XKR4: variants seen among roughly 807,000 people sequenced by gnomAD.
XKR4 encodes the protein XK-related protein 4.
A neutral mutation model predicts 53.9 loss-of-function variants in XKR4; 12 were observed. That is an observed-to-expected ratio of 0.22 (90% CI 0.14 to 0.36). The LOEUF (loss-of-function observed/expected upper bound fraction) is 0.36, where lower values mean the gene tolerates loss of function less well. XKR4 is among the 10% of genes least tolerant of loss of function. The pLI is 1.00. For missense variants in XKR4, 799 were observed against 859.5 expected, an observed-to-expected ratio of 0.93 and a Z score of 0.88; for synonymous variants, 354 against 362.4, an observed-to-expected ratio of 0.98 and a Z score of 0.26.
chr8:55,119,132 G>A (rs1225161269), intron 1 of XKR4, among the ~76,000 whole-genome samples: 3 of 152,282 alleles, frequency 2.0e-5, no homozygotes, highest in East Asian at 1.9e-4. Context: ...GCACGCACAC[G>A]TTATTAAAAT....
At chr8:55,416,563 C>T (rs1040080784) in intron 2 of XKR4, among the ~76,000 whole-genome samples, 5 of 152,080 alleles carry the variant, frequency 3.3e-5, no homozygotes, top group Non-Finnish European at 4.4e-5. Context: ...CTAAGGTGAT[C>T]GGAGGTGGAT....
intron 2 of XKR4, chr8:55,452,178 C>T (rs1805459494): frequency 2.8e-6 from 2 of 724,476 alleles, no homozygotes; most frequent in African/African-American, 1.8e-5. Context: ...GAGCTCGGCA[C>T]TGTCAGACCC....
intron 1 of XKR4, among the ~76,000 whole-genome samples, chr8:55,267,883 T>A (rs887545680): frequency 6.6e-6 from 1 of 152,204 alleles, no homozygotes; most frequent in African/African-American, 2.4e-5. Context: ...AGAAATCTCA[T>A]AAGATGTTTG....
intron 1 of XKR4, among the ~76,000 whole-genome samples, chr8:55,232,997 G>A (rs185849124): frequency 1.3e-5 from 2 of 152,210 alleles, no homozygotes; most frequent in African/African-American, 2.4e-5. Context: ...CTGTAAGTGG[G>A]CATGGACTAG....
intron 1 of XKR4, among the ~76,000 whole-genome samples, chr8:55,245,291 ATGCATAGTTT>A (rs1818270206): frequency 6.6e-6 from 1 of 152,064 alleles, no homozygotes; most frequent in Admixed American, 6.5e-5. Flanking sequence ...CCTTTGATGG[ATGCATAGTTT>A]GCAAAAATTT....
At chr8:55,407,641 T>C (rs1393118148) in intron 2 of XKR4, among the ~76,000 whole-genome samples, 1 of 152,254 alleles carries the variant, frequency 6.6e-6, no homozygotes, top group Non-Finnish European at 1.5e-5. Flanking sequence ...GGGAAGTCTC[T>C]GAGCCTCTCC....
intron 1 of XKR4, among the ~76,000 whole-genome samples, chr8:55,193,110 C>T (rs7017439): frequency 0.2 from 30,274 of 151,882 alleles, 3,135 homozygotes; most frequent in Non-Finnish European, 0.22. Flanking sequence ...GAAAAAAATT[C>T]AATTATATCG....
Position 55,534,855 on chromosome 8 carries a change from A to G in XKR4, c.*10628A>G, listed in dbSNP as rs1319404183. 1 of 151,448 alleles carries G rather than the reference A, an allele frequency of 6.6e-6. No individual in the cohort carries two copies. The highest frequency in any genetic ancestry group is 1.5e-5 in the Non-Finnish European group (1 of 67,916). 9.4% of individuals were successfully genotyped at this position (151,448 alleles called of 1,614,324 possible). ...AGGTCATAGTTTCAGAGTATGCAAG[A>G]GAGTCGGGCCTTCATATGTTCTTGT... is the stretch of plus-strand genomic sequence containing the variant. On this transcript the variant is annotated 3_prime_UTR_variant, in exon 3 of 3. Coordinates refer to ENST00000327381, the MANE Select transcript of XKR4 (RefSeq NM_052898.2).
intron 2 of XKR4, among the ~76,000 whole-genome samples, chr8:55,442,482 A>G (rs1805285005): frequency 1.3e-5 from 2 of 152,246 alleles, no homozygotes; most frequent in Non-Finnish European, 2.9e-5. Context: ...TCCCATTCCT[A>G]GATATACGCC....
At chr8:55,457,904 T>C (rs1263219511) in intron 2 of XKR4, among the ~76,000 whole-genome samples, 1 of 152,132 alleles carries the variant, frequency 6.6e-6, no homozygotes, top group Non-Finnish European at 1.5e-5. Context: ...GTTGCTGTAT[T>C]TTACTGGAAT....
At chr8:55,172,584 A>G (rs1430282405) in intron 1 of XKR4, among the ~76,000 whole-genome samples, 1 of 152,236 alleles carries the variant, frequency 6.6e-6, no homozygotes, top group African/African-American at 2.4e-5. Context: ...AGCATTTAGA[A>G]AAAGAAGCAA....
At chr8:55,287,482 C>T (rs80043335) in intron 1 of XKR4, among the ~76,000 whole-genome samples, 8,313 of 152,280 alleles carry the variant, frequency 0.055, 311 homozygotes, top group Middle Eastern at 0.099. Flanking sequence ...TCAGCTTCTC[C>T]TAAGAGGCCT....
At chr8:55,359,163 GA>G (rs1197325616) in intron 2 of XKR4, among the ~76,000 whole-genome samples, 3 of 152,226 alleles carry the variant, frequency 2.0e-5, no homozygotes, top group Admixed American at 2.0e-4. Context: ...CAGAAAAAGA[GA>G]AAAGCACGGA....
intron 2 of XKR4, among the ~76,000 whole-genome samples, chr8:55,413,251 C>T (rs1195240559): frequency 6.6e-6 from 1 of 152,180 alleles, no homozygotes; most frequent in Non-Finnish European, 1.5e-5. Context: ...TAAATGGAGT[C>T]TCACTCTGTC....
rs1803843494 is a variant in XKR4 at position 55,357,932 on chromosome 8, T to A, written c.1006+55T>A. On this transcript the variant is annotated intron_variant, in intron 2 of 2. Transcript: ENST00000327381. ...TGGGGAAAGATTGACTGGCTACTTT[T>A]GTCACAATCCGAGGAACTGTCCTAA... is the stretch of plus-strand genomic sequence containing the variant. The A allele has an allele frequency of 2.6e-6, 4 of 1,549,702 alleles. No homozygotes were observed. In the African/African-American group the frequency reaches 4.1e-5, roughly 16 times the overall value.
chr8:55,200,349 T>C (rs375423039), intron 1 of XKR4, among the ~76,000 whole-genome samples: 73 of 152,344 alleles, frequency 4.8e-4, no homozygotes, highest in African/African-American at 1.7e-3. Context: ...ATTACAGGCG[T>C]GAGCCACTGC....
chr8:55,164,158 C>T (rs757909474), intron 1 of XKR4: 12 of 456,250 alleles, frequency 2.6e-5, no homozygotes, highest in African/African-American at 1.2e-4. Flanking sequence ...TTGCTCCAAG[C>T]GCCACTGGCC....
intron 2 of XKR4, among the ~76,000 whole-genome samples, chr8:55,512,217 C>T (rs1369334474): frequency 6.6e-6 from 1 of 152,228 alleles, no homozygotes; most frequent in Non-Finnish European, 1.5e-5. Flanking sequence ...TGAGATAACT[C>T]CCGCCTCTGT....
At chr8:55,272,156 T>G (rs1008196519) in intron 1 of XKR4, among the ~76,000 whole-genome samples, 3 of 152,160 alleles carry the variant, frequency 2.0e-5, no homozygotes, top group African/African-American at 7.2e-5. Context: ...TAAGAAATGA[T>G]TCTATGCATG....
Sources: allele counts gnomAD v4.1 joint callset (sites outside exome capture counted in the v4.1 genomes callset), GRCh38; gene constraint gnomAD v4.1.1; transcripts MANE v1.5; gene names NCBI Gene and HGNC (gene_info 2026-07-23, HGNC 2026-07-21).